CNTLN: variants seen among roughly 807,000 people sequenced by gnomAD.
CNTLN encodes the protein centlein, centrosomal protein.
In CNTLN, 212 loss-of-function variants were observed where a neutral mutation model predicts 180.0. That is an observed-to-expected ratio of 1.18 (90% confidence interval 1.05 to 1.32). The LOEUF is 1.32. CNTLN is among the 40% of genes most tolerant of loss of function. CNTLN has a pLI of 0.00. For synonymous variants in CNTLN, 722 were observed against 563.1 expected, an observed-to-expected ratio of 1.28 and a Z score of -3.99; for missense variants, 2,095 against 1,610.9, an observed-to-expected ratio of 1.30 and a Z score of -5.14.
intron 2 of CNTLN, among the ~76,000 whole-genome samples, chr9:17,191,091 G>A (rs1250742000): frequency 6.6e-6 from 1 of 152,144 alleles, no homozygotes; most frequent in East Asian, 1.9e-4. Context: ...GCCATTAGAA[G>A]TATATGTATA....
At chr9:17,211,170 AG>A (rs1823276040) in intron 2 of CNTLN, among the ~76,000 whole-genome samples, 2 of 152,116 alleles carry the variant, frequency 1.3e-5, no homozygotes, top group African/African-American at 2.4e-5. Context: ...GTTTTCTTCT[AG>A]GGTTTTTATG....
intron 2 of CNTLN, among the ~76,000 whole-genome samples, chr9:17,146,770 G>C (rs1818485821): frequency 6.6e-6 from 1 of 151,886 alleles, no homozygotes; most frequent in South Asian, 2.1e-4. Context: ...TAAAATTTTA[G>C]AAATCAAATT....
intron 2 of CNTLN, among the ~76,000 whole-genome samples, chr9:17,220,422 T>C (rs370328401): frequency 4.6e-5 from 7 of 152,128 alleles, no homozygotes; most frequent in South Asian, 2.1e-4. Context: ...TAAAAACATT[T>C]AAGTTTAGGG....
chr9:17,443,013 C>T (rs925401460), intron 18 of CNTLN, among the ~76,000 whole-genome samples: 1 of 151,012 alleles, frequency 6.6e-6, no homozygotes, highest in African/African-American at 2.5e-5. Flanking sequence ...CTACCAAAAA[C>T]CTGAAACAGT....
At chr9:17,346,680 G>C (rs528170638) in intron 12 of CNTLN, among the ~76,000 whole-genome samples, 1 of 151,972 alleles carries the variant, frequency 6.6e-6, no homozygotes, top group Non-Finnish European at 1.5e-5. Context: ...CAGAAGTTTG[G>C]TCATAACATG....
intron 7 of CNTLN, among the ~76,000 whole-genome samples, chr9:17,305,152 A>G (rs761888239): frequency 3.9e-5 from 6 of 152,110 alleles, no homozygotes; most frequent in Non-Finnish European, 8.8e-5. Context: ...TTGGAGGTTG[A>G]GGTCTTATTT....
At chr9:17,145,525 T>A (rs990791728) in intron 2 of CNTLN, among the ~76,000 whole-genome samples, 1 of 152,220 alleles carries the variant, frequency 6.6e-6, no homozygotes, top group Admixed American at 6.5e-5. Context: ...TCTGTTTAAT[T>A]TTTAAACCGT....
At chr9:17,268,235 T>C (rs1409339404) in intron 5 of CNTLN, among the ~76,000 whole-genome samples, 1 of 152,176 alleles carries the variant, frequency 6.6e-6, no homozygotes, top group Admixed American at 6.5e-5. Context: ...GCTTTTTGTT[T>C]GTTAGTTTTC....
At chr9:17,228,290 G>A (rs1170185571) in intron 3 of CNTLN, among the ~76,000 whole-genome samples, 2 of 151,914 alleles carry the variant, frequency 1.3e-5, no homozygotes, top group Non-Finnish European at 2.9e-5. Flanking sequence ...CTTGAGTAGG[G>A]ATTGTTTCAT....
chr9:17,486,384 C>T (rs1207290112), intron 24 of CNTLN, among the ~76,000 whole-genome samples: 1 of 151,998 alleles, frequency 6.6e-6, no homozygotes, highest in African/African-American at 2.4e-5. Flanking sequence ...TCAAGTGAAT[C>T]ATCAACTGTA....
chr9:17,497,551 T>A (rs966636630), intron 25 of CNTLN, among the ~76,000 whole-genome samples: 2 of 152,210 alleles, frequency 1.3e-5, no homozygotes, highest in Admixed American at 1.3e-4. Context: ...GAAGCACTCC[T>A]TGAAGCTTTT....
intron 23 of CNTLN, among the ~76,000 whole-genome samples, chr9:17,471,668 T>G (rs995387978): frequency 6.6e-6 from 1 of 152,114 alleles, no homozygotes; most frequent in African/African-American, 2.4e-5. Context: ...GTGACACTTT[T>G]TAAAACTTAC....
At chr9:17,415,699 T>A in intron 16 of CNTLN, 89 bp from the exon 17 acceptor site, 5 of 891,394 alleles carry the variant, frequency 5.6e-6, no homozygotes, top group Non-Finnish European at 7.1e-6. Flanking sequence ...AACAATTGTA[T>A]TTTTTAAGTA....
intron 12 of CNTLN, among the ~76,000 whole-genome samples, chr9:17,362,003 C>G (rs1823431868): frequency 6.6e-6 from 1 of 152,212 alleles, no homozygotes; most frequent in Non-Finnish European, 1.5e-5. Context: ...GCTCCTCCCT[C>G]AAACACACAG....
At chr9:17,288,019 CTGA>C (rs1488834132) in intron 6 of CNTLN, among the ~76,000 whole-genome samples, 1 of 138,996 alleles carries the variant, frequency 7.2e-6, no homozygotes, top group Non-Finnish European at 1.5e-5. Context: ...CAGTTCTGCT[CTGA>C]TGTTAGTTAT....
intron 6 of CNTLN, 70 bp from the exon 7 acceptor site, chr9:17,298,120 A>T (rs1043257448): frequency 3.1e-6 from 4 of 1,297,192 alleles, no homozygotes; most frequent in Admixed American, 2.9e-5. Flanking sequence ...GTAACCTTAG[A>T]TGAACACAAT....
chr9:17,245,180 T>C (rs1331139535), intron 5 of CNTLN, among the ~76,000 whole-genome samples: 1 of 152,160 alleles, frequency 6.6e-6, no homozygotes, highest in Non-Finnish European at 1.5e-5. Context: ...TTAATGTTGT[T>C]TTTTATTTTC....
At chr9:17,469,829 A>G (rs981824318) in intron 23 of CNTLN, among the ~76,000 whole-genome samples, 4 of 151,874 alleles carry the variant, frequency 2.6e-5, no homozygotes, top group African/African-American at 9.7e-5. Context: ...GATAGAGCTC[A>G]ACTCTGCCAT....
chr9:17,257,223 G>A (rs1385610387), intron 5 of CNTLN, among the ~76,000 whole-genome samples: 2 of 151,676 alleles, frequency 1.3e-5, no homozygotes, highest in Admixed American at 6.6e-5. Flanking sequence ...GAGAATATGC[G>A]GTGTTTGGTA....
Sources: allele counts gnomAD v4.1 joint callset (sites outside exome capture counted in the v4.1 genomes callset), GRCh38; gene constraint gnomAD v4.1.1; transcripts MANE v1.5; gene names NCBI Gene and HGNC (gene_info 2026-07-23, HGNC 2026-07-21).